HCRTR2: variants seen among roughly 807,000 people sequenced by gnomAD.
HCRTR2 encodes the protein orexin receptor type 2.
A neutral mutation model predicts 49.0 loss-of-function variants in HCRTR2; 22 were observed. That is an observed-to-expected ratio of 0.45 (90% confidence interval 0.32 to 0.64). The LOEUF (loss-of-function observed/expected upper bound fraction) is 0.64, where lower values mean the gene tolerates loss of function less well. Ranked by LOEUF, HCRTR2 falls within the 30% of genes least tolerant of loss-of-function variation. The pLI, the probability that HCRTR2 is intolerant of heterozygous loss-of-function variation, is 0.04. For synonymous variants in HCRTR2, 236 were observed against 205.3 expected, an observed-to-expected ratio of 1.15 and a Z score of -1.28; for missense variants, 491 against 559.4, an observed-to-expected ratio of 0.88 and a Z score of 1.23.
At chr6:55,149,538 T>C (rs1465716604) in intron 1 of HCRTR2, among the ~76,000 whole-genome samples, 1 of 152,098 alleles carries the variant, frequency 6.6e-6, no homozygotes, top group Non-Finnish European at 1.5e-5. Flanking sequence ...TCAAAATATC[T>C]AGACAAAGCC....
intron 1 of HCRTR2, among the ~76,000 whole-genome samples, chr6:55,179,310 G>T (rs951516143): frequency 3.3e-5 from 5 of 151,906 alleles, no homozygotes; most frequent in South Asian, 2.1e-4. Flanking sequence ...CACTCATCTC[G>T]GCCAAGACTC....
intron 1 of HCRTR2, among the ~76,000 whole-genome samples, chr6:55,164,142 G>A: frequency 6.6e-6 from 1 of 152,198 alleles, no homozygotes; most frequent in South Asian, 2.1e-4. Flanking sequence ...TGGAGAGGAT[G>A]TGGAGAAATA....
chr6:55,233,885 G>A (rs1039041564), intron 1 of HCRTR2, among the ~76,000 whole-genome samples: 5 of 152,144 alleles, frequency 3.3e-5, no homozygotes, highest in Admixed American at 6.5e-5. Context: ...ATGTATGTTA[G>A]TTAAATATAC....
At chr6:55,270,066 A>G (rs1360672139) in intron 4 of HCRTR2, among the ~76,000 whole-genome samples, 1 of 152,348 alleles carries the variant, frequency 6.6e-6, no homozygotes, top group East Asian at 1.9e-4. Context: ...TAAAAAGAGA[A>G]TTATGAATTC....
intron 1 of HCRTR2, among the ~76,000 whole-genome samples, chr6:55,161,012 C>T (rs1764798253): frequency 1.3e-5 from 2 of 152,136 alleles, no homozygotes; most frequent in Admixed American, 1.3e-4. Context: ...CTCTCCACCC[C>T]AAATAAATAG....
Position 55,282,292 on chromosome 6 carries a change from G to C in HCRTR2, c.1173G>C (p.Glu391Asp). 2 of 1,613,870 alleles carry C rather than the reference G, an allele frequency of 1.2e-6. No homozygotes were observed. Among genetic ancestry groups the C allele is most frequent in the Non-Finnish European group, 1.7e-6 (2 of 1,179,932 alleles). The change falls in exon 7 of 7, where the codon GAG (glutamate) becomes GAC (aspartate). Residue 391 changes from glutamate (E) to aspartate (D), a missense_variant. Physicochemically the swap from Glu to Asp is conservative, Grantham distance 45. Transcript: ENST00000370862. ...GCCTTGGAGTTCACCATCGCCAGGA[G>C]GATCGGCTCACCAGGGGACGAACTA... ...CCCLGVHHRQEDRLTRGRTST... is the reference protein window; with the variant it reads ...CCCLGVHHRQDDRLTRGRTST...
chr6:55,269,922 C>G (rs1242690557), intron 4 of HCRTR2, among the ~76,000 whole-genome samples: 1 of 152,162 alleles, frequency 6.6e-6, no homozygotes, highest in Admixed American at 6.5e-5. Context: ...TAAGACTGCA[C>G]CACTGCACTC....
chr6:55,207,461 G>A (rs1765620920), intron 1 of HCRTR2, among the ~76,000 whole-genome samples: 1 of 152,074 alleles, frequency 6.6e-6, no homozygotes, highest in African/African-American at 2.4e-5. Flanking sequence ...AAATATGGAT[G>A]TGATTTATTT....
intron 1 of HCRTR2, among the ~76,000 whole-genome samples, chr6:55,115,010 C>T (rs1393102668): frequency 4.0e-5 from 6 of 151,708 alleles, no homozygotes; most frequent in African/African-American, 1.5e-4. Context: ...AATGTGCAAG[C>T]TAAGGTTTTG....
intron 1 of HCRTR2, among the ~76,000 whole-genome samples, chr6:55,112,425 T>C (rs894325391): frequency 6.6e-6 from 1 of 151,730 alleles, no homozygotes; most frequent in Non-Finnish European, 1.5e-5. Context: ...CTGCTAGAGC[T>C]GATCAATGAA....
At chr6:55,121,191 T>A (rs1050586237) in intron 1 of HCRTR2, among the ~76,000 whole-genome samples, 1 of 152,134 alleles carries the variant, frequency 6.6e-6, no homozygotes, top group South Asian at 2.1e-4. Flanking sequence ...GTCCTTCACA[T>A]CCCTTGTAAG....
At chr6:55,121,018 A>G (rs1399935438) in intron 1 of HCRTR2, among the ~76,000 whole-genome samples, 1 of 152,056 alleles carries the variant, frequency 6.6e-6, no homozygotes, top group Non-Finnish European at 1.5e-5. Flanking sequence ...GAAGAAAGTC[A>G]TTGGTAGCTT....
chr6:55,149,180 G>A (rs1443336714), intron 1 of HCRTR2, among the ~76,000 whole-genome samples: 2 of 151,944 alleles, frequency 1.3e-5, no homozygotes, highest in Admixed American at 6.6e-5. Flanking sequence ...TTCTAAAGCT[G>A]TTTTATTTTT....
chr6:55,229,850 T>C (rs957980395), intron 1 of HCRTR2, among the ~76,000 whole-genome samples: 1 of 152,206 alleles, frequency 6.6e-6, no homozygotes, highest in Non-Finnish European at 1.5e-5. Context: ...TGCAGTATTA[T>C]GCACTTAAAC....
At chr6:55,171,200 A>T (rs1168968658), upstream of HCRTR2, among the ~76,000 whole-genome samples, 1 of 152,196 alleles carries the variant, frequency 6.6e-6, no homozygotes, top group Non-Finnish European at 1.5e-5. Context: ...TCCCACCAAC[A>T]GTGCAAAAGT....
At chr6:55,168,365 C>A (rs536953994) in intron 1 of HCRTR2, among the ~76,000 whole-genome samples, 1 of 152,126 alleles carries the variant, frequency 6.6e-6, no homozygotes, top group South Asian at 2.1e-4. Flanking sequence ...TTAAAACTAT[C>A]ATTAGTAAAG....
intron 5 of HCRTR2, among the ~76,000 whole-genome samples, chr6:55,279,066 A>G (rs1439502248): frequency 1.3e-5 from 2 of 152,080 alleles, no homozygotes; most frequent in Non-Finnish European, 2.9e-5. Context: ...GAAAACAAAT[A>G]ACTTTCAAAG....
At chr6:55,210,595 T>A (rs910223373) in intron 1 of HCRTR2, among the ~76,000 whole-genome samples, 1 of 152,060 alleles carries the variant, frequency 6.6e-6, no homozygotes, top group Non-Finnish European at 1.5e-5. Context: ...ACATGGAGAA[T>A]AAAATAAGTA....
intron 1 of HCRTR2, 44 bp from the exon 2 acceptor site, chr6:55,248,595 T>C (rs1466613567): frequency 6.8e-7 from 1 of 1,465,076 alleles, no homozygotes; most frequent in Admixed American, 1.7e-5. Flanking sequence ...CACCAATACC[T>C]ATTTTCTTTG....
Sources: gnomAD v4.1 joint callset for allele counts (sites outside exome capture counted in the v4.1 genomes callset) on GRCh38, gnomAD v4.1.1 for gene constraint, MANE v1.5 for transcripts, NCBI Gene and HGNC (gene_info 2026-07-23, HGNC 2026-07-21) for gene names.